The following SCYL3 variants were observed in gnomAD, a reference collection of about 807,000 sequenced individuals.
SCYL3 encodes the protein protein-associating with the carboxyl-terminal domain of ezrin.
SCYL3 carries 35 observed loss-of-function variants against 73.8 expected under a neutral mutation model. The ratio of observed to expected loss-of-function variants is 0.47; its 90% CI spans 0.36 to 0.63. The LOEUF (loss-of-function observed/expected upper bound fraction) is 0.63, where lower values mean the gene tolerates loss of function less well. SCYL3 is among the 20% of genes least tolerant of loss of function. The pLI is 0.00. For synonymous variants in SCYL3, 277 were observed against 295.2 expected, an observed-to-expected ratio of 0.94 and a Z score of 0.63; for missense variants, 712 against 798.9, an observed-to-expected ratio of 0.89 and a Z score of 1.31.
Position 169,862,749 on chromosome 1 carries a change from T to G in SCYL3, c.1004A>C (p.Gln335Pro). The change falls in exon 10 of 13, where the codon CAG becomes CCG. Residue 335 changes from glutamine (Q) to proline (P), a missense_variant. Transcript: ENST00000367771. ...TPCLLSPALF[Q>P]SRVIPVLLQL... is the part of the protein sequence containing the mutation. ...GAGAAGCACGGGGATCACCCGTGAC[T>G]GGAACAGGGCTGGTGAGAGCAAGCA... The G allele has an allele frequency of 1.2e-6, 2 of 1,614,226 alleles. No individual in the cohort carries two copies. Among genetic ancestry groups the G allele is most frequent in the Non-Finnish European group, 1.7e-6 (2 of 1,180,042 alleles).
intron 3 of SCYL3, among the ~76,000 whole-genome samples, chr1:169,876,502 T>C (rs6688806): frequency 0.15 from 23,318 of 152,218 alleles, 1,847 homozygotes; most frequent in Middle Eastern, 0.22. Context: ...AAATATATCT[T>C]TGCTCACATA....
chr1:169,892,983 C>G (rs78942703), intron 1 of SCYL3, among the ~76,000 whole-genome samples: 177 of 152,278 alleles, frequency 1.2e-3, no homozygotes, highest in Middle Eastern at 3.4e-3. Flanking sequence ...AACGTTACTC[C>G]GGCCCTTGCT....
Position 169,851,853 on chromosome 1 carries a change from G to C in SCYL3, c.*1860C>G, listed in dbSNP as rs769125196. On this transcript the variant is annotated 3_prime_UTR_variant, in exon 13 of 13. Transcript: ENST00000367771. ...AGATGAAACTGAAGCTGCCAAAGTG[G>C]AACGTGTGAAACAGGAAAAAGGTAT... is the stretch of plus-strand genomic sequence containing the variant. 14 of 1,613,922 alleles carry C rather than the reference G, an allele frequency of 8.7e-6. No individual in the cohort carries two copies. Among genetic ancestry groups the C allele is most frequent in the Non-Finnish European group, 1.2e-5 (14 of 1,179,974 alleles).
chr1:169,878,657 C>T lies in SCYL3; in HGVS notation c.328G>A (p.Ala110Thr). ...ACTCTGTCATGAAGGAAGATAAGAG[C>T]CAGCAATATGTCATAGATCCCAGCA... ...VCAGIYDILL[A>T]LIFLHDRGHL... Residue 110 changes from alanine to threonine, a missense_variant, in exon 3 of 13, where the codon GCT (alanine) becomes ACT (threonine). Ala to Thr is a moderately conservative substitution (Grantham distance 58). Coordinates refer to ENST00000367771, the MANE Select transcript of SCYL3 (RefSeq NM_020423.7). The T allele has an allele frequency of 1.2e-6, 2 of 1,612,710 alleles. No individual in the cohort carries two copies. The highest frequency in any genetic ancestry group is 1.7e-6 in the Non-Finnish European group (2 of 1,179,506).
chr1:169,873,360 CTCTT>C (rs2102177921), intron 5 of SCYL3, among the ~76,000 whole-genome samples: 1 of 152,326 alleles, frequency 6.6e-6, no homozygotes, highest in South Asian at 2.1e-4. Flanking sequence ...TCCAATAAAC[CTCTT>C]TCTTTTGTAA....
chr1:169,873,657 C>G, intron 5 of SCYL3, 39 bp downstream of exon 5: 1 of 1,424,946 alleles, frequency 7.0e-7, no homozygotes, highest in Non-Finnish European at 9.7e-7. Flanking sequence ...CTCAATTACA[C>G]AAAGGCACCT....
In SCYL3 at chr1:169,852,609, T is replaced by TAAACC. The variant is rs1281657232; in HGVS notation, c.*1099_*1103dup. On this transcript the variant is annotated 3_prime_UTR_variant, in exon 13 of 13. Coordinates refer to ENST00000367771, the MANE Select transcript of SCYL3 (RefSeq NM_020423.7). ...GTAGTAGCACTCTGAATTGCTATGA[T>TAAACC]AAACCAAAATGCCTTTACATATTTT... is the stretch of plus-strand genomic sequence containing the variant. The TAAACC allele has an allele frequency of 2.9e-5, 18 of 624,382 alleles. No individual in the cohort carries two copies. In the Admixed American group the frequency reaches 5.0e-4, roughly 17 times the overall value. The allele number at this position is 624,382 out of a possible 1,614,324, so 38.7% of individuals were successfully genotyped here.
intron 3 of SCYL3, among the ~76,000 whole-genome samples, chr1:169,877,244 C>T (rs954320198): frequency 6.6e-6 from 1 of 152,126 alleles, no homozygotes; most frequent in Admixed American, 6.5e-5. Context: ...CAGCCTTGAC[C>T]TCCTGGGCTC....
chr1:169,882,323 C>T (rs1661335599), intron 2 of SCYL3, among the ~76,000 whole-genome samples: 5 of 152,228 alleles, frequency 3.3e-5, no homozygotes, highest in Admixed American at 2.6e-4. Context: ...CTCATTTTCT[C>T]GCCGGGCCTT....
intron 4 of SCYL3, among the ~76,000 whole-genome samples, chr1:169,875,517 T>G (rs1045249371): frequency 5.9e-5 from 9 of 152,192 alleles, no homozygotes; most frequent in African/African-American, 1.9e-4. Context: ...ATTGGGCAAC[T>G]CGGACAATTG....
chr1:169,870,235 G>A lies in SCYL3; in HGVS notation c.625+20C>T. ...TTTTCCTACTTATTCTATAGATGCA[G>A]TAGTATAACTCCAACTCACCCTGTT... On this transcript the variant is annotated intron_variant, in intron 6 of 12. Transcript: ENST00000367771. 6.6e-7 allele frequency: 1 copy of A among 1,512,846 alleles called. No individual in the cohort carries two copies. Among genetic ancestry groups the A allele is most frequent in the Non-Finnish European group, 9.2e-7 (1 of 1,091,072 alleles). The allele number at this position is 1,512,846 out of a possible 1,614,324, so 93.7% of individuals were successfully genotyped here. A position where few individuals can be genotyped will look rare whatever the true frequency, so the allele number is the denominator to read the frequency against.
chr1:169,892,856 A>G (rs958162321), intron 1 of SCYL3, among the ~76,000 whole-genome samples: 2 of 152,222 alleles, frequency 1.3e-5, no homozygotes, highest in Non-Finnish European at 2.9e-5. Flanking sequence ...TTTTCCCAGC[A>G]ATTACTCGAG....
Position 169,852,969 on chromosome 1 carries a change from C to T in SCYL3, c.*744G>A, listed in dbSNP as rs778617470. ...AAAGGATGGATAAGCTAAAACGTTA[C>T]ATACATACTCTAGGGTGAAACTTAT... On this transcript the variant is annotated 3_prime_UTR_variant, in exon 13 of 13. Transcript: ENST00000367771. 2 of 1,613,948 alleles carry T rather than the reference C, an allele frequency of 1.2e-6. No homozygotes were observed. The highest frequency in any genetic ancestry group is 1.7e-6 in the Non-Finnish European group (2 of 1,179,910).
intron 11 of SCYL3, chr1:169,856,061 T>C (rs1353876373): frequency 2.1e-6 from 2 of 969,156 alleles, no homozygotes; most frequent in Non-Finnish European, 3.1e-6. Flanking sequence ...TATATTTTTA[T>C]ACATATAAAG....
At chr1:169,865,393 C>T (rs1659967348) in intron 8 of SCYL3, among the ~76,000 whole-genome samples, 1 of 152,140 alleles carries the variant, frequency 6.6e-6, no homozygotes, top group African/African-American at 2.4e-5. Flanking sequence ...CATTGATACT[C>T]ATTCCCACCT....
In SCYL3 at chr1:169,864,528, G is replaced by C. The variant is rs1659888141; in HGVS notation, c.816-20C>G. On this transcript the variant is annotated intron_variant, in intron 8 of 12. Transcript: ENST00000367771. ...AGAAATCTGAGGACAAAAAGGGAAA[G>C]CCCAGGAAACTGGTCATGACACTGT... 21 of 1,571,412 alleles carry C rather than the reference G, an allele frequency of 1.3e-5. No homozygotes were observed. The highest frequency in any genetic ancestry group is 1.8e-5 in the Non-Finnish European group (21 of 1,164,046).
At chr1:169,864,581 C>T (rs1224341696) in intron 8 of SCYL3, 73 bp from the exon 9 acceptor site, 1 of 1,375,660 alleles carries the variant, frequency 7.3e-7, no homozygotes, top group African/African-American at 1.5e-5. Context: ...GTTTAGCCTA[C>T]ACACATCCTC....
chr1:169,854,563 C>A lies in SCYL3; in HGVS notation c.1714G>T (p.Val572Leu). Residue 572 changes from valine to leucine, a missense_variant, in exon 12 of 13, where the codon GTA becomes TTA. Val to Leu is a conservative substitution (Grantham distance 32, BLOSUM62 1). This residue lies in a region of SCYL3 where 370 missense variants were observed against 350.8 expected (regional missense o/e 1.05). Transcript: ENST00000367771. ...KSSLPQKISLVQRGDDADQIE... is the reference protein window; with the variant it reads ...KSSLPQKISLLQRGDDADQIE... ...TGGTCTGCGTCATCCCCCCTTTGTA[C>A]AAGGCTAATCTTTTGGGGTAAGCTT... 1.9e-6 allele frequency: 3 copies of A among 1,613,780 alleles called. No individual in the cohort carries two copies. Among genetic ancestry groups the A allele is most frequent in the Admixed American group, 1.7e-5 (1 of 59,952 alleles).
intron 8 of SCYL3, 59 bp from the exon 9 acceptor site, chr1:169,864,567 T>C: frequency 1.3e-6 from 2 of 1,504,832 alleles, no homozygotes; most frequent in Admixed American, 2.2e-5. Flanking sequence ...AGCTTACTTG[T>C]ACAGTTTAGC....
Sources: allele counts gnomAD v4.1 joint callset (sites outside exome capture counted in the v4.1 genomes callset), GRCh38; gene constraint gnomAD v4.1.1; regional missense constraint gnomAD v4.1.1; transcripts MANE v1.5; gene names NCBI Gene and HGNC (gene_info 2026-07-23, HGNC 2026-07-21).